Variants in SLC35D1 observed in about 807,000 individuals in gnomAD.
SLC35D1 encodes solute carrier family 35 member D1.
A neutral mutation model predicts 46.7 loss-of-function variants in SLC35D1; 31 were observed. The ratio of observed to expected loss-of-function variants is 0.66; its 90% CI spans 0.50 to 0.90. The LOEUF (loss-of-function observed/expected upper bound fraction) is 0.90. SLC35D1 is among the 40% of genes least tolerant of loss of function. The probability of loss-of-function intolerance (pLI) is 0.00; values close to 1 mark genes in which losing one functional copy is unlikely to be tolerated. For synonymous variants in SLC35D1, 195 were observed against 164.6 expected (o/e 1.18, Z -1.41); for missense variants, 397 against 426.2 (o/e 0.93, Z 0.60).
chr1:66,998,489 G>A (rs1316114937), downstream of SLC35D1, among the ~76,000 whole-genome samples: 6 of 151,924 alleles, frequency 3.9e-5, no homozygotes, highest in Admixed American at 1.3e-4. Flanking sequence ...GTGAAACTCC[G>A]TCTAAAAAAA....
At chr1:67,052,888 C>G (rs542360761) in intron 2 of SLC35D1, 31 bp from the exon 3 acceptor site, 1 of 1,613,934 alleles carries the variant, frequency 6.2e-7, no homozygotes, top group South Asian at 1.1e-5. Flanking sequence ...ATTCACTGTT[C>G]TACACATAAA....
At chr1:67,016,176 AT>A (rs1667681855) in intron 10 of SLC35D1, among the ~76,000 whole-genome samples, 1 of 152,096 alleles carries the variant, frequency 6.6e-6, no homozygotes, top group Admixed American at 6.5e-5. Context: ...AAGATTTGAA[AT>A]GTCTTCAGAT....
chr1:67,045,573 C>T (rs1645243768), intron 7 of SLC35D1, among the ~76,000 whole-genome samples: 1 of 152,060 alleles, frequency 6.6e-6, no homozygotes, highest in African/African-American at 2.4e-5. Context: ...CTTAAAAGTT[C>T]TAGTATAAAT....
chr1:67,040,737 T>A (rs914684898), intron 8 of SLC35D1, among the ~76,000 whole-genome samples: 1 of 152,216 alleles, frequency 6.6e-6, no homozygotes, highest in African/African-American at 2.4e-5. Context: ...TTGACCTAGA[T>A]TACTCTCCCT....
At chr1:66,983,514 G>C in the SLC35D1 span, among the ~76,000 whole-genome samples, 2 of 152,196 alleles carry the variant, frequency 1.3e-5, no homozygotes, top group African/African-American at 4.8e-5. Flanking sequence ...CCATTTTACA[G>C]TCAACTCTAA....
chr1:66,985,751 T>G, the SLC35D1 span: 1 of 972,936 alleles, frequency 1.0e-6, no homozygotes, highest in South Asian at 4.8e-5. Context: ...TTTTAAGTGT[T>G]TGTGTAGTAA....
At chr1:66,978,618 T>C in the SLC35D1 span, among the ~76,000 whole-genome samples, 1 of 152,242 alleles carries the variant, frequency 6.6e-6, no homozygotes, top group Non-Finnish European at 1.5e-5. Flanking sequence ...CAAGGTATTA[T>C]ATAGGGAAAA....
At chr1:67,030,538 A>G (rs559117035) in intron 8 of SLC35D1, among the ~76,000 whole-genome samples, 88 of 152,290 alleles carry the variant, frequency 5.8e-4, no homozygotes, top group African/African-American at 2.0e-3. Context: ...CATGGAGGGA[A>G]TCTGGCTCAA....
At chr1:67,023,484 C>A (rs1300930133) in intron 8 of SLC35D1, among the ~76,000 whole-genome samples, 1 of 109,236 alleles carries the variant, frequency 9.2e-6, no homozygotes, top group Non-Finnish European at 1.7e-5. Flanking sequence ...AAATCTTTTG[C>A]CATTTTTTTT....
At chr1:67,048,681 A>G (rs1016181580) in intron 6 of SLC35D1, among the ~76,000 whole-genome samples, 1 of 152,224 alleles carries the variant, frequency 6.6e-6, no homozygotes, top group African/African-American at 2.4e-5. Flanking sequence ...GTCTGGCAGA[A>G]TGTGTGGCAT....
chr1:67,051,949 A>G, intron 4 of SLC35D1, 63 bp downstream of exon 4: 1 of 1,136,972 alleles, frequency 8.8e-7, no homozygotes, highest in Non-Finnish European at 1.3e-6. Flanking sequence ...AATATTTGAC[A>G]TTCAAGTACA....
chr1:66,997,475 C>T (rs543179625), downstream of SLC35D1, among the ~76,000 whole-genome samples: 7 of 137,234 alleles, frequency 5.1e-5, no homozygotes, highest in Admixed American at 2.4e-4. Context: ...TGCACTCCAG[C>T]CTGGGTGACA....
At chr1:66,987,075 T>C in the SLC35D1 span, 1 of 152,542 alleles carries the variant, frequency 6.6e-6, no homozygotes, top group East Asian at 1.9e-4. Flanking sequence ...ATGGCACATG[T>C]ATACATTTTA....
At chr1:67,004,498 T>C (rs765461511) in intron 11 of SLC35D1, 50 bp from the exon 12 acceptor site, 7 of 1,496,600 alleles carry the variant, frequency 4.7e-6, no homozygotes, top group South Asian at 3.4e-5. Context: ...AGGGTTTTAG[T>C]GTAAACACTC....
At chr1:67,053,367 A>T (rs1042854792) in intron 1 of SLC35D1, among the ~76,000 whole-genome samples, 4 of 151,524 alleles carry the variant, frequency 2.6e-5, no homozygotes, top group African/African-American at 9.7e-5. Flanking sequence ...TGGGTTGAGG[A>T]TGCGTACGTC....
At chr1:67,028,118 T>C (rs72673767) in intron 8 of SLC35D1, among the ~76,000 whole-genome samples, 3 of 139,052 alleles carry the variant, frequency 2.2e-5, no homozygotes, top group Non-Finnish European at 4.9e-5. Context: ...TTTAGAGGTG[T>C]GCTAATTTGC....
chr1:67,040,537 CTT>C (rs1003427834), intron 8 of SLC35D1, among the ~76,000 whole-genome samples: 1 of 152,180 alleles, frequency 6.6e-6, no homozygotes, highest in Admixed American at 6.5e-5. Context: ...AGGTCTTTGA[CTT>C]CTACCTTCTA....
At chr1:66,981,688 A>G in the SLC35D1 span, 1 of 938,758 alleles carries the variant, frequency 1.1e-6, no homozygotes, top group Admixed American at 2.3e-5. Context: ...ATATTAGGAT[A>G]TATTTGTTAA....
At chr1:66,998,009 A>G (rs1008679041), downstream of SLC35D1, among the ~76,000 whole-genome samples, 2 of 152,190 alleles carry the variant, frequency 1.3e-5, no homozygotes, top group South Asian at 4.2e-4. Flanking sequence ...TAGGACGGCT[A>G]CAATCTGAAA....
Sources: gnomAD v4.1 joint callset for allele counts (sites outside exome capture counted in the v4.1 genomes callset) on GRCh38, gnomAD v4.1.1 for gene constraint, MANE v1.5 for transcripts, NCBI Gene and HGNC (gene_info 2026-07-23, HGNC 2026-07-21) for gene names.